ITFG1: variants seen among roughly 807,000 people sequenced by gnomAD.
ITFG1 encodes integrin alpha FG-GAP repeat containing 1.
In ITFG1, 34 loss-of-function variants were observed where a neutral mutation model predicts 81.8. That is an observed-to-expected ratio of 0.42 (90% CI 0.32 to 0.55). The LOEUF (loss-of-function observed/expected upper bound fraction) is 0.55. Among genes scored for constraint, ITFG1 ranks in the 20% least tolerant of loss-of-function variants. The pLI is 0.17. For synonymous variants in ITFG1, 285 were observed against 270.6 expected, an observed-to-expected ratio of 1.05 and a Z score of -0.52; for missense variants, 672 against 755.4, an observed-to-expected ratio of 0.89 and a Z score of 1.29.
intron 14 of ITFG1, among the ~76,000 whole-genome samples, chr16:47,213,743 T>C (rs531112826): frequency 1.6e-4 from 25 of 152,300 alleles, no homozygotes; most frequent in Middle Eastern, 3.4e-3. Context: ...AATACATCCA[T>C]GGGCTGGGAG....
At chr16:47,432,083 A>T (rs1360460489) in intron 5 of ITFG1, among the ~76,000 whole-genome samples, 1 of 152,190 alleles carries the variant, frequency 6.6e-6, no homozygotes, top group Non-Finnish European at 1.5e-5. Context: ...ACCTTGACTC[A>T]TCAATATCTG....
At chr16:47,339,046 C>T (rs1292252410) in intron 8 of ITFG1, among the ~76,000 whole-genome samples, 2 of 152,208 alleles carry the variant, frequency 1.3e-5, no homozygotes, top group Non-Finnish European at 2.9e-5. Context: ...TAAGTGAGAA[C>T]ATGCCAAGTT....
At chr16:47,429,625 G>A (rs763345191) in intron 5 of ITFG1, among the ~76,000 whole-genome samples, 1 of 152,146 alleles carries the variant, frequency 6.6e-6, no homozygotes, top group Non-Finnish European at 1.5e-5. Flanking sequence ...ATCCTAGAGG[G>A]TGTGATACAG....
chr16:47,256,473 T>C (rs1172869966), intron 12 of ITFG1, among the ~76,000 whole-genome samples: 1 of 152,234 alleles, frequency 6.6e-6, no homozygotes, highest in Non-Finnish European at 1.5e-5. Flanking sequence ...CTTGCCTTCT[T>C]ATCTAGAGGT....
At chr16:47,290,062 A>G (rs563792174) in intron 10 of ITFG1, among the ~76,000 whole-genome samples, 9 of 152,294 alleles carry the variant, frequency 5.9e-5, no homozygotes, top group African/African-American at 1.9e-4. Flanking sequence ...TACCTTCTTC[A>G]TCTCTTCATT....
rs577681877 is a variant in ITFG1, at chr16:47,323,773, T to G, written c.803-9950A>C. 1.4e-4 allele frequency among the ~76,000 whole-genome samples: 21 copies of G among 152,234 alleles called. No individual in the cohort carries two copies. In the South Asian group the frequency reaches 4.2e-3, roughly 30 times the overall value. On this transcript the variant is annotated intron_variant, in intron 8 of 17. Transcript: ENST00000320640. ...TAATGGGGTGGACTGAGATTGGGTC[T>G]CAGTATACCCAATTCCAGCCCAGTC... is the stretch of plus-strand genomic sequence containing the variant.
At chr16:47,305,060 T>G (rs1050861978) in intron 10 of ITFG1, among the ~76,000 whole-genome samples, 4 of 152,180 alleles carry the variant, frequency 2.6e-5, no homozygotes, top group Non-Finnish European at 5.9e-5. Flanking sequence ...GTGTACTCAG[T>G]GCACTTCATG....
At chr16:47,262,943 TG>T in intron 10 of ITFG1, 1 of 173,100 alleles carries the variant, frequency 5.8e-6, no homozygotes, top group Non-Finnish European at 1.3e-5. Flanking sequence ...AGGGCTGCAG[TG>T]GGTGCTTACA....
intron 6 of ITFG1, among the ~76,000 whole-genome samples, chr16:47,421,451 C>G (rs1320712143): frequency 6.6e-6 from 1 of 151,898 alleles, no homozygotes; most frequent in Non-Finnish European, 1.5e-5. Context: ...ACTACAGGCG[C>G]GTACCAACAT....
chr16:47,259,590 A>C (rs1240527697), intron 11 of ITFG1, among the ~76,000 whole-genome samples: 1 of 152,258 alleles, frequency 6.6e-6, no homozygotes, highest in African/African-American at 2.4e-5. Flanking sequence ...TATAAAAAAC[A>C]AAATAAAATC....
chr16:47,440,822 G>A (rs923150144), intron 5 of ITFG1, among the ~76,000 whole-genome samples: 2 of 152,074 alleles, frequency 1.3e-5, no homozygotes. Context: ...CAGAAGGCAA[G>A]AAATAACTAA....
chr16:47,377,332 G>A (rs1013572235), intron 6 of ITFG1, among the ~76,000 whole-genome samples: 5 of 152,006 alleles, frequency 3.3e-5, no homozygotes, highest in African/African-American at 7.2e-5. Context: ...CTCTATGAAC[G>A]TCATTTGTTT....
At chr16:47,271,582 C>T (rs1043143945) in intron 10 of ITFG1, among the ~76,000 whole-genome samples, 8 of 152,292 alleles carry the variant, frequency 5.3e-5, no homozygotes, top group Admixed American at 2.0e-4. Flanking sequence ...GAGTTCTGGC[C>T]GGGGCACTGG....
At chr16:47,311,860 G>A (rs909647737) in intron 9 of ITFG1, 1 of 153,220 alleles carries the variant, frequency 6.5e-6, no homozygotes, top group Non-Finnish European at 1.5e-5. Flanking sequence ...CAGAGACCCC[G>A]TTGTTCATTC....
chr16:47,386,009 G>C (rs560158553), intron 6 of ITFG1, among the ~76,000 whole-genome samples: 1 of 152,188 alleles, frequency 6.6e-6, no homozygotes, highest in Non-Finnish European at 1.5e-5. Flanking sequence ...AAAACAGTGG[G>C]CAAAATTCAA....
chr16:47,382,062 G>A (rs1968402831), intron 6 of ITFG1, among the ~76,000 whole-genome samples: 2 of 151,676 alleles, frequency 1.3e-5, no homozygotes, highest in Admixed American at 1.3e-4. Context: ...CCAGACAATT[G>A]TTGTTGTTAC....
intron 5 of ITFG1, among the ~76,000 whole-genome samples, chr16:47,434,348 A>G (rs1969137750): frequency 1.3e-5 from 2 of 151,960 alleles, no homozygotes; most frequent in East Asian, 3.9e-4. Flanking sequence ...AACTTAAACA[A>G]ATTTACAAGA....
chr16:47,388,042 T>A (rs1027353584), intron 6 of ITFG1, among the ~76,000 whole-genome samples: 3 of 152,078 alleles, frequency 2.0e-5, no homozygotes, highest in Admixed American at 2.0e-4. Context: ...ATTATGGAAC[T>A]GAAAGTAAAT....
chr16:47,430,367 T>G (rs1969080513), intron 5 of ITFG1, among the ~76,000 whole-genome samples: 1 of 152,024 alleles, frequency 6.6e-6, no homozygotes, highest in African/African-American at 2.4e-5. Context: ...TGCCCGGACA[T>G]CTTTTCACTT....
Sources: allele counts gnomAD v4.1 joint callset (sites outside exome capture counted in the v4.1 genomes callset), GRCh38; gene constraint gnomAD v4.1.1; transcripts MANE v1.5; gene names NCBI Gene and HGNC (gene_info 2026-07-23, HGNC 2026-07-21).